CADM2: variants seen among roughly 807,000 people sequenced by gnomAD.
CADM2 encodes immunoglobulin superfamily member 4D.
A neutral mutation model predicts 49.8 loss-of-function variants in CADM2; 12 were observed. The observed-to-expected ratio is 0.24, with a 90% CI of 0.15 to 0.39. The LOEUF (loss-of-function observed/expected upper bound fraction) is 0.39. Ranked by LOEUF, CADM2 falls within the 10% of genes least tolerant of loss-of-function variation. The pLI, the probability that CADM2 is intolerant of heterozygous loss-of-function variation, is 1.00. For synonymous variants in CADM2, 214 were observed against 175.4 expected, an observed-to-expected ratio of 1.22 and a Z score of -1.74; for missense variants, 378 against 492.3, an observed-to-expected ratio of 0.77 and a Z score of 2.20.
intron 1 of CADM2, among the ~76,000 whole-genome samples, chr3:85,511,220 T>C (rs898760581): frequency 6.6e-6 from 1 of 152,042 alleles, no homozygotes; most frequent in Non-Finnish European, 1.5e-5. Context: ...CACAGGAAAA[T>C]ATCCACTTGT....
chr3:85,141,637 G>A (rs1212065627), intron 1 of CADM2, among the ~76,000 whole-genome samples: 1 of 152,094 alleles, frequency 6.6e-6, no homozygotes, highest in Non-Finnish European at 1.5e-5. Context: ...TTGTAACAGA[G>A]ATCCAATCCT....
chr3:85,249,002 C>A (rs749238769), intron 1 of CADM2, among the ~76,000 whole-genome samples: 7 of 152,094 alleles, frequency 4.6e-5, no homozygotes, highest in Admixed American at 2.6e-4. Flanking sequence ...AAAATGTTAT[C>A]ATCTGTAGGA....
At chr3:85,794,180 T>C (rs530914663) in intron 2 of CADM2, among the ~76,000 whole-genome samples, 1 of 152,210 alleles carries the variant, frequency 6.6e-6, no homozygotes, top group African/African-American at 2.4e-5. Flanking sequence ...TTAAGGTTTT[T>C]ATGATTTAAA....
intron 1 of CADM2, among the ~76,000 whole-genome samples, chr3:85,711,886 A>G (rs2067130521): frequency 6.6e-6 from 1 of 152,170 alleles, no homozygotes; most frequent in African/African-American, 2.4e-5. Flanking sequence ...CATTTGATAT[A>G]TAAAATGAAC....
intron 3 of CADM2, among the ~76,000 whole-genome samples, chr3:85,810,490 G>A (rs947178197): frequency 1.3e-5 from 2 of 148,628 alleles, no homozygotes; most frequent in Non-Finnish European, 3.0e-5. Context: ...TCTCTGGGAA[G>A]ATATTTAATA....
chr3:85,632,251 A>T (rs1381316499), intron 1 of CADM2, among the ~76,000 whole-genome samples: 1 of 152,080 alleles, frequency 6.6e-6, no homozygotes, highest in Non-Finnish European at 1.5e-5. Context: ...TCATTCACAT[A>T]AGATGTGACT....
At chr3:85,949,211 G>T (rs75230747) in intron 7 of CADM2, among the ~76,000 whole-genome samples, 1 of 150,764 alleles carries the variant, frequency 6.6e-6, no homozygotes, top group East Asian at 2.0e-4. Context: ...TTTTTAAAAA[G>T]AAAATAATAG....
At chr3:85,966,171 A>G (rs1725446555) in intron 8 of CADM2, among the ~76,000 whole-genome samples, 1 of 151,664 alleles carries the variant, frequency 6.6e-6, no homozygotes, top group Non-Finnish European at 1.5e-5. Flanking sequence ...GAAGAAATAC[A>G]GTAATACCAG....
chr3:86,048,638 G>T (rs1736959976), intron 8 of CADM2, among the ~76,000 whole-genome samples: 1 of 151,990 alleles, frequency 6.6e-6, no homozygotes, highest in South Asian at 2.1e-4. Flanking sequence ...AAGCCAATAT[G>T]ATATATACTA....
chr3:85,588,711 G>A (rs566803819), intron 1 of CADM2, among the ~76,000 whole-genome samples: 3 of 152,006 alleles, frequency 2.0e-5, no homozygotes, highest in Non-Finnish European at 4.4e-5. Context: ...GCAACAGTAT[G>A]CTAGGGGGAT....
At chr3:85,837,238 C>G (rs1164866121) in intron 3 of CADM2, among the ~76,000 whole-genome samples, 1 of 151,506 alleles carries the variant, frequency 6.6e-6, no homozygotes, top group African/African-American at 2.4e-5. Flanking sequence ...TGCTTCACTT[C>G]TTGAAATGTA....
At chr3:85,062,399 A>T (rs2036364550) in intron 1 of CADM2, among the ~76,000 whole-genome samples, 1 of 152,088 alleles carries the variant, frequency 6.6e-6, no homozygotes, top group African/African-American at 2.4e-5. Context: ...ATTAATAGCA[A>T]CATTAATTAA....
intron 1 of CADM2, among the ~76,000 whole-genome samples, chr3:85,342,341 G>A: frequency 6.6e-6 from 1 of 151,808 alleles, no homozygotes; most frequent in East Asian, 1.9e-4. Context: ...AGTGGAAAAG[G>A]CAAATTTTAC....
Position 85,160,135 on chromosome 3 carries a change from G to T in CADM2, c.61+200467G>T, listed in dbSNP as rs535204897. Among the ~76,000 whole-genome samples the T allele has an allele frequency of 6.6e-5, 10 of 152,244 alleles. 1 individual carries two copies. Among genetic ancestry groups the T allele is most frequent in the South Asian group, 6.2e-4 (3 of 4,824 alleles). On this transcript the variant is annotated intron_variant, in intron 1 of 9. Transcript: ENST00000383699. ...TTTTTAAATTACCATTTTTGAGATGGAATATCACCTATACTTTTAATTTCT... is the reference window on the plus strand; with the variant it reads ...TTTTTAAATTACCATTTTTGAGATGTAATATCACCTATACTTTTAATTTCT...
At chr3:85,529,671 A>T (rs1039446707) in intron 1 of CADM2, among the ~76,000 whole-genome samples, 3 of 151,984 alleles carry the variant, frequency 2.0e-5, no homozygotes, top group Admixed American at 2.0e-4. Context: ...CTGAAGCATC[A>T]TGTGGAGCCC....
chr3:85,993,295 C>T (rs1205401754), intron 8 of CADM2: 1 of 152,200 alleles, frequency 6.6e-6, no homozygotes, highest in Non-Finnish European at 1.5e-5. Flanking sequence ...AGAATCAACT[C>T]CCTATCCATT....
intron 1 of CADM2, among the ~76,000 whole-genome samples, chr3:85,717,763 G>A (rs1397005935): frequency 6.6e-6 from 1 of 151,954 alleles, no homozygotes; most frequent in Non-Finnish European, 1.5e-5. Flanking sequence ...TTTTGTGGGG[G>A]TTTTTGTTTG....
intron 1 of CADM2, among the ~76,000 whole-genome samples, chr3:85,709,446 A>C (rs1487566416): frequency 6.6e-6 from 1 of 152,066 alleles, no homozygotes; most frequent in Admixed American, 6.6e-5. Flanking sequence ...CTTATAGTTT[A>C]TTTCTCTCTA....
In CADM2 at chr3:85,821,562, T is replaced by C. The variant is rs1225697917; in HGVS notation, c.238+19366T>C. Among the ~76,000 whole-genome samples, 5 of 152,164 alleles carry C rather than the reference T, an allele frequency of 3.3e-5. 1 individual carries two copies. Among genetic ancestry groups the C allele is most frequent in the African/African-American group, 1.2e-4 (5 of 41,434 alleles). The stretch of plus-strand genomic sequence containing the variant: ...TAGAAAGAAAGGGGGCTGTTTGTTT[T>C]TGTTGCATACACAAGAAGTTAGGGT... On this transcript the variant is annotated intron_variant, in intron 3 of 9. Coordinates refer to ENST00000383699, the MANE Select transcript of CADM2 (RefSeq NM_001167675.2).
Sources: allele counts gnomAD v4.1 joint callset (sites outside exome capture counted in the v4.1 genomes callset), GRCh38; gene constraint gnomAD v4.1.1; transcripts MANE v1.5; gene names NCBI Gene and HGNC (gene_info 2026-07-23, HGNC 2026-07-21).